Variants in LYPD6B observed in about 807,000 individuals in gnomAD.
The protein encoded by LYPD6B is ly6/PLAUR domain-containing protein 6B.
LYPD6B carries 17 observed loss-of-function variants against 22.8 expected under a neutral mutation model. The ratio of observed to expected loss-of-function variants is 0.75; its 90% CI spans 0.51 to 1.12. The LOEUF (loss-of-function observed/expected upper bound fraction) is 1.12. Among genes scored for constraint, LYPD6B ranks in the 50% most tolerant of loss-of-function variants. The pLI is 0.00. For missense variants in LYPD6B, 221 were observed against 258.3 expected (o/e 0.86, Z 0.99); for synonymous variants, 106 against 91.6 (o/e 1.16, Z -0.90).
At chr2:149,179,318 A>G (rs570791880) in intron 3 of LYPD6B, among the ~76,000 whole-genome samples, 1 of 152,364 alleles carries the variant, frequency 6.6e-6, no homozygotes, top group African/African-American at 2.4e-5. Flanking sequence ...CCCTCAAACC[A>G]AGTCTACCAA....
intron 1 of LYPD6B, among the ~76,000 whole-genome samples, chr2:149,079,974 C>T (rs1056114205): frequency 6.6e-6 from 1 of 152,174 alleles, no homozygotes; most frequent in African/African-American, 2.4e-5. Flanking sequence ...GCACTTCTTT[C>T]CCGATTTCTG....
chr2:149,079,307 A>T (rs1164713694), intron 1 of LYPD6B, among the ~76,000 whole-genome samples: 1 of 152,164 alleles, frequency 6.6e-6, no homozygotes, highest in Non-Finnish European at 1.5e-5. Flanking sequence ...TCTGGCTAAT[A>T]CTAAATCGAA....
chr2:149,038,971 G>C (rs917907647), intron 1 of LYPD6B, among the ~76,000 whole-genome samples, 170 bp downstream of exon 1: 1 of 113,714 alleles, frequency 8.8e-6, no homozygotes, highest in African/African-American at 3.1e-5. Flanking sequence ...GGGGCCGCGG[G>C]GCCGCGGCGC....
intron 1 of LYPD6B, among the ~76,000 whole-genome samples, chr2:149,062,207 G>A (rs1434163131): frequency 2.0e-5 from 3 of 152,090 alleles, no homozygotes; most frequent in Non-Finnish European, 4.4e-5. Flanking sequence ...GGCTGGTATC[G>A]AACTCCCAAC....
At chr2:149,180,583 AC>A (rs1199468385) in intron 3 of LYPD6B, among the ~76,000 whole-genome samples, 1 of 152,128 alleles carries the variant, frequency 6.6e-6, no homozygotes, top group Non-Finnish European at 1.5e-5. Flanking sequence ...TATTAACTAG[AC>A]CCTCTTTCCT....
intron 2 of LYPD6B, among the ~76,000 whole-genome samples, chr2:149,133,661 C>T (rs971806021): frequency 1.3e-5 from 2 of 152,162 alleles, no homozygotes; most frequent in African/African-American, 2.4e-5. Context: ...AACTTCTTGG[C>T]ACTTGCTTCA....
intron 2 of LYPD6B, among the ~76,000 whole-genome samples, chr2:149,149,222 A>T (rs897886073): frequency 1.3e-5 from 2 of 152,204 alleles, no homozygotes; most frequent in Admixed American, 6.5e-5. Context: ...CACCAACCTA[A>T]TAGAAAGAAC....
intron 1 of LYPD6B, among the ~76,000 whole-genome samples, chr2:149,080,562 C>T (rs183193942): frequency 3.4e-4 from 51 of 152,220 alleles, no homozygotes; most frequent in African/African-American, 1.2e-3. Context: ...AGTATATTAG[C>T]TGGGGGTGGT....
chr2:149,104,193 AC>A (rs1319893176), intron 1 of LYPD6B, among the ~76,000 whole-genome samples: 1 of 152,208 alleles, frequency 6.6e-6, no homozygotes, highest in Admixed American at 6.5e-5. Context: ...TTGAGCTATT[AC>A]AAAGAAAGCT....
intron 3 of LYPD6B, among the ~76,000 whole-genome samples, chr2:149,194,120 C>A (rs764604897): frequency 6.6e-6 from 1 of 152,162 alleles, no homozygotes; most frequent in Non-Finnish European, 1.5e-5. Context: ...CTAGCTCTAT[C>A]TTCTGGTATA....
intron 1 of LYPD6B, among the ~76,000 whole-genome samples, chr2:149,063,721 A>C (rs1684195786): frequency 6.6e-6 from 1 of 152,248 alleles, no homozygotes; most frequent in South Asian, 2.1e-4. Context: ...ATATCCCAGA[A>C]ATAAATTCCA....
chr2:149,050,244 C>G (rs147735852), intron 1 of LYPD6B, among the ~76,000 whole-genome samples: 6 of 151,728 alleles, frequency 4.0e-5, no homozygotes, highest in African/African-American at 1.5e-4. Flanking sequence ...TAGTTACTGG[C>G]CTAGTTTTGT....
chr2:149,196,863 C>CT (rs1692843882), intron 3 of LYPD6B, among the ~76,000 whole-genome samples: 1 of 152,168 alleles, frequency 6.6e-6, no homozygotes, highest in African/African-American at 2.4e-5. Context: ...TAGCCATCAC[C>CT]TTACACACCG....
At chr2:149,096,395 A>G (rs1296261142) in intron 1 of LYPD6B, among the ~76,000 whole-genome samples, 1 of 152,204 alleles carries the variant, frequency 6.6e-6, no homozygotes, top group African/African-American at 2.4e-5. Context: ...ATCACCGCAC[A>G]AATGTAAGTT....
At chr2:149,161,923 C>A (rs1690087422) in intron 3 of LYPD6B, among the ~76,000 whole-genome samples, 1 of 152,012 alleles carries the variant, frequency 6.6e-6, no homozygotes, top group Non-Finnish European at 1.5e-5. Flanking sequence ...TAATAAGGCC[C>A]AAGACAACAA....
At chr2:149,172,990 ATAT>A (rs1456553090) in intron 3 of LYPD6B, among the ~76,000 whole-genome samples, 1 of 151,788 alleles carries the variant, frequency 6.6e-6, no homozygotes, top group East Asian at 1.9e-4. Flanking sequence ...ATATATATAT[ATAT>A]ATATGCGCTT....
intron 2 of LYPD6B, among the ~76,000 whole-genome samples, chr2:149,147,707 T>C (rs897204527): frequency 2.0e-5 from 3 of 151,994 alleles, no homozygotes; most frequent in Non-Finnish European, 4.4e-5. Flanking sequence ...AGAGACAGGG[T>C]TTCACCACGT....
intron 3 of LYPD6B, among the ~76,000 whole-genome samples, chr2:149,176,354 A>G (rs918954257): frequency 3.3e-5 from 5 of 152,258 alleles, no homozygotes; most frequent in African/African-American, 1.2e-4. Flanking sequence ...TAAACATAAA[A>G]GAGTAAATAA....
chr2:149,101,523 AG>A (rs1343237585), intron 1 of LYPD6B: 1 of 152,280 alleles, frequency 6.6e-6, no homozygotes. Context: ...TCACTGCCCA[AG>A]GGCACCAGCC....
Sources: gnomAD v4.1 joint callset for allele counts (sites outside exome capture counted in the v4.1 genomes callset) on GRCh38, gnomAD v4.1.1 for gene constraint, MANE v1.5 for transcripts, NCBI Gene and HGNC (gene_info 2026-07-23, HGNC 2026-07-21) for gene names.